CHD1: variants seen among roughly 807,000 people sequenced by gnomAD.
CHD1 encodes ATP-dependent chromatin remodeler CHD1.
In CHD1, 36 loss-of-function variants were observed where a neutral mutation model predicts 224.2. The observed-to-expected ratio is 0.16, with a 90% CI of 0.12 to 0.21. The LOEUF is 0.21. CHD1 is among the 10% of genes least tolerant of loss of function. CHD1 has a pLI of 1.00. For missense variants in CHD1, 1,378 were observed against 1,994.8 expected, an observed-to-expected ratio of 0.69 and a Z score of 5.89; for synonymous variants, 668 against 658.3, an observed-to-expected ratio of 1.01 and a Z score of -0.23.
In CHD1 at chr5:98,899,662, A is replaced by C. The variant is rs1199270537; in HGVS notation, c.903T>G (p.Gly301=). 2 of 1,613,874 alleles carry C rather than the reference A, an allele frequency of 1.2e-6. No individual in the cohort carries two copies. Among genetic ancestry groups the C allele is most frequent in the Admixed American group, 3.3e-5 (2 of 60,002 alleles). ...TTTIYAVEAD[G]DPNAGFEKNK... ...TTTTTTCAAAGCCTGCATTTGGGTCACCATCTGCTTCAACTGCATAGATGG... is the reference window on the plus strand; with the variant it reads ...TTTTTTCAAAGCCTGCATTTGGGTCCCCATCTGCTTCAACTGCATAGATGG... The change falls in exon 8 of 36, where the codon GGT becomes GGG. Residue 301 remains glycine (G), a synonymous_variant. Transcript: ENST00000614616.
chr5:98,856,702 T>G lies in CHD1; in HGVS notation c.4811A>C (p.His1604Pro). ...DSRYYSDREKHRKLDDHRSRD... is the reference protein window; with the variant it reads ...DSRYYSDREKPRKLDDHRSRD... ...ACTCCTGTGATCATCCAGTTTTCTG[T>G]GTTTCTCTCTGTCACTGTAATATCT... The change falls in exon 36 of 36, where the codon CAC becomes CCC. Residue 1604 changes from histidine (H) to proline (P), a missense_variant. Transcript: ENST00000614616. 1 of 1,607,316 alleles carries G rather than the reference T, an allele frequency of 6.2e-7. No homozygotes were observed. Among genetic ancestry groups the G allele is most frequent in the Non-Finnish European group, 8.5e-7 (1 of 1,174,254 alleles).
intron 31 of CHD1, among the ~76,000 whole-genome samples, chr5:98,864,764 C>G (rs1748734479): frequency 1.3e-5 from 2 of 152,144 alleles, no homozygotes; most frequent in Admixed American, 6.5e-5. Context: ...AGAATTCAGT[C>G]AGATCTGATG....
At chr5:98,900,692 T>A in intron 7 of CHD1, 119 bp downstream of exon 7, 1 of 821,546 alleles carries the variant, frequency 1.2e-6, no homozygotes, top group Non-Finnish European at 1.9e-6. Flanking sequence ...GAACTCCTGA[T>A]CCATCGGCCT....
chr5:98,911,146 A>ATCTATATATATATAT, intron 2 of CHD1, among the ~76,000 whole-genome samples: 1 of 39,132 alleles, frequency 2.6e-5, no homozygotes, highest in East Asian at 6.8e-4. Flanking sequence ...AAAAAAAAAA[A>ATCTATATATATATAT]ATATATATAT....
Position 98,898,364 on chromosome 5 carries a change from T to C in CHD1, c.1257A>G (p.Ser419=), listed in dbSNP as rs752948809. 4 of 1,601,966 alleles carry C rather than the reference T, an allele frequency of 2.5e-6. No homozygotes were observed. The East Asian group carries it at 9.1e-5, about 36-fold the overall frequency. Residue 419 remains serine (S), a synonymous_variant, in exon 10 of 36, where the codon TCA becomes TCG. Coordinates refer to ENST00000614616, the MANE Select transcript of CHD1 (RefSeq NM_001270.4). ...YYCKWQGLPY[S]ECSWEDGALI... The stretch of plus-strand genomic sequence containing the variant: ...GAGCTCCATCTTCCCAGCTGCACTC[T>C]GAGTATGGAAGGCCCTGCCATTTGC...
intron 2 of CHD1, among the ~76,000 whole-genome samples, chr5:98,918,105 T>C (rs534027252): frequency 2.4e-4 from 37 of 151,354 alleles, no homozygotes; most frequent in Non-Finnish European, 5.3e-4. Flanking sequence ...TCGCCCAGGC[T>C]GGAGTGCCGT....
Position 98,879,603 on chromosome 5 carries a change from C to T in CHD1, c.3186G>A (p.Lys1062=). Residue 1062 remains lysine, a synonymous_variant, in exon 23 of 36, where the codon AAG becomes AAA. Transcript: ENST00000614616. The part of the protein sequence containing the change: ...RRRLEEEERQ[K]ELEEIYMLPR... ...GGAGCATATAAATTTCTTCAAGTTC[C>T]TTTTGTCTTTCTTCTTCTTCTAATC... 6.2e-7 allele frequency: 1 copy of T among 1,603,932 alleles called. No homozygotes were observed. Among genetic ancestry groups the T allele is most frequent in the Admixed American group, 1.7e-5 (1 of 57,914 alleles).
At chr5:98,896,090 A>C in intron 12 of CHD1, 136 bp downstream of exon 12, 1 of 675,656 alleles carries the variant, frequency 1.5e-6, no homozygotes. Context: ...CTGTGGTCCC[A>C]GTTGCAGTGA....
chr5:98,863,416 T>C lies in CHD1; in HGVS notation c.4419A>G (p.Gln1473=), dbSNP rs1236176440. Residue 1473 remains glutamine (Q), a synonymous_variant, in exon 32 of 36, where the codon CAA becomes CAG. Coordinates refer to ENST00000614616, the MANE Select transcript of CHD1 (RefSeq NM_001270.4). Reference sequence around the variant, plus strand: ...AAAAGTGTATCACTTACTTTCTCCATTGCTTAATTTGTTCAGGATTTGTAT... The same window carrying C: ...AAAAGTGTATCACTTACTTTCTCCACTGCTTAATTTGTTCAGGATTTGTAT... ...KEYTNPEQIK[Q]WRKNLWIFVS... is the part of the protein sequence containing the mutation. The C allele has an allele frequency of 2.6e-6, 4 of 1,534,578 alleles. No individual in the cohort carries two copies. The highest frequency in any genetic ancestry group is 1.3e-5 in the South Asian group (1 of 78,772).
chr5:98,877,540 A>C (rs770172263), intron 23 of CHD1, among the ~76,000 whole-genome samples: 1 of 152,208 alleles, frequency 6.6e-6, no homozygotes, highest in Admixed American at 6.5e-5. Context: ...GCTATTTGTA[A>C]CATCCATTAA....
At chr5:98,882,273 T>A in intron 19 of CHD1, 150 bp from the exon 20 acceptor site, 1 of 593,586 alleles carries the variant, frequency 1.7e-6, no homozygotes, top group Non-Finnish European at 2.8e-6. Context: ...AAAACATGTT[T>A]AAAGCTAGAG....
chr5:98,920,888 C>G (rs569807168), intron 2 of CHD1, among the ~76,000 whole-genome samples: 7 of 151,176 alleles, frequency 4.6e-5, no homozygotes, highest in East Asian at 1.9e-4. Flanking sequence ...ACCATGAAAA[C>G]TAAGGAAAGA....
chr5:98,870,009 ACCAACAT>A, intron 29 of CHD1, 127 bp from the exon 30 acceptor site: 2 of 641,022 alleles, frequency 3.1e-6, no homozygotes, highest in Non-Finnish European at 5.2e-6. Context: ...AATAAGCTGT[ACCAACAT>A]CAGAAACTCA....
chr5:98,859,032 C>T lies in CHD1; in HGVS notation c.4525-17G>A, dbSNP rs772122955. 17 of 1,559,764 alleles carry T rather than the reference C, an allele frequency of 1.1e-5. No individual in the cohort carries two copies. Among genetic ancestry groups the T allele is most frequent in the African/African-American group, 5.6e-5 (4 of 71,122 alleles). On this transcript the variant is annotated splice_polypyrimidine_tract_variant and intron_variant, in intron 33 of 35. Coordinates refer to ENST00000614616, the MANE Select transcript of CHD1 (RefSeq NM_001270.4). ...ACTGTTTTGCTAAAATAAATGCACACGTGTTAAGAATCTTTAGGTGACTTC... is the reference window on the plus strand; with the variant it reads ...ACTGTTTTGCTAAAATAAATGCACATGTGTTAAGAATCTTTAGGTGACTTC...
chr5:98,859,137 G>T, intron 33 of CHD1, 122 bp from the exon 34 acceptor site: 2 of 690,022 alleles, frequency 2.9e-6, no homozygotes, highest in Non-Finnish European at 4.9e-6. Flanking sequence ...GAATGTTTAT[G>T]TGTGTATATA....
intron 18 of CHD1, among the ~76,000 whole-genome samples, chr5:98,884,125 G>T (rs1362080943): frequency 6.7e-6 from 1 of 148,286 alleles, no homozygotes; most frequent in Non-Finnish European, 1.5e-5. Flanking sequence ...CCAGGCTGGA[G>T]TGCAGTGGCG....
At chr5:98,877,245 A>G (rs928672779) in intron 23 of CHD1, among the ~76,000 whole-genome samples, 3 of 152,226 alleles carry the variant, frequency 2.0e-5, no homozygotes, top group African/African-American at 7.2e-5. Context: ...GAATGCTGAG[A>G]CACCATTAAA....
At chr5:98,873,975 A>G (rs1455723422) in intron 25 of CHD1, among the ~76,000 whole-genome samples, 1 of 152,180 alleles carries the variant, frequency 6.6e-6, no homozygotes, top group Non-Finnish European at 1.5e-5. Flanking sequence ...ATTCTGTAAA[A>G]CCTTTTAATA....
chr5:98,920,692 G>C (rs903701683), intron 2 of CHD1, among the ~76,000 whole-genome samples: 4 of 152,064 alleles, frequency 2.6e-5, no homozygotes, highest in Non-Finnish European at 5.9e-5. Context: ...AGTCACTCGG[G>C]AGGCTGTGGC....
Sources: gnomAD v4.1 joint callset for allele counts (sites outside exome capture counted in the v4.1 genomes callset) on GRCh38, gnomAD v4.1.1 for gene constraint, MANE v1.5 for transcripts, NCBI Gene and HGNC (gene_info 2026-07-23, HGNC 2026-07-21) for gene names.